The following SEPTIN9 variants were observed in gnomAD, a reference collection of about 807,000 sequenced individuals.
SEPTIN9 encodes the protein septin-9.
In SEPTIN9, 13 loss-of-function variants were observed where a neutral mutation model predicts 56.6. The ratio of observed to expected loss-of-function variants is 0.23; its 90% CI spans 0.15 to 0.37. The LOEUF is 0.37. Ranked by LOEUF, SEPTIN9 falls within the 10% of genes least tolerant of loss-of-function variation. The pLI, the probability that SEPTIN9 is intolerant of heterozygous loss-of-function variation, is 1.00. For synonymous variants in SEPTIN9, 332 were observed against 334.1 expected (o/e 0.99, Z 0.07); for missense variants, 650 against 823.1 (o/e 0.79, Z 2.57).
intron 2 of SEPTIN9, among the ~76,000 whole-genome samples, chr17:77,353,971 A>C (rs536050748): frequency 6.6e-6 from 1 of 152,274 alleles, no homozygotes; most frequent in Admixed American, 6.5e-5. Context: ...AGATCCCTCT[A>C]GGCTGAAAGA....
rs1296302762 is a variant in SEPTIN9 at position 77,329,870 on chromosome 17, T to C, written c.76+22673T>C. ...CAGCACCAGCCAAGGCTTCGGGGTT[T>C]GGACACCATCCCTGGGAGGGGTGAG... On this transcript the variant is annotated intron_variant, in intron 2 of 11. Coordinates refer to ENST00000427177, the MANE Select transcript of SEPTIN9 (RefSeq NM_001113491.2). This position sits in a 1 kb window ranked among gnomAD's most constrained non-coding sequence, Gnocchi z 4.3. 6.6e-6 allele frequency among the ~76,000 whole-genome samples: 1 copy of C among 152,200 alleles called. No homozygotes were observed. Among genetic ancestry groups the C allele is most frequent in the African/African-American group, 2.4e-5 (1 of 41,448 alleles).
chr17:77,428,960 C>T (rs1598359147), intron 3 of SEPTIN9: 2 of 457,160 alleles, frequency 4.4e-6, no homozygotes, highest in South Asian at 1.6e-5. Flanking sequence ...TGTCACAGCC[C>T]TGGTTATACA....
Position 77,492,569 on chromosome 17 carries a change from T to A in SEPTIN9, c.1381-52T>A, listed in dbSNP as rs2040074633. On this transcript the variant is annotated intron_variant, in intron 8 of 11. Transcript: ENST00000427177. The surrounding 1 kb of genome is among the most constrained non-coding windows in gnomAD (Gnocchi z 5.4). ...AGGTCATGTGGCAAACACCAGTGGG[T>A]GGGTAGAGCTTGCCACAGGGATGGG... 6.6e-7 allele frequency: 1 copy of A among 1,520,084 alleles called. No individual in the cohort carries two copies. 94.2% of individuals were successfully genotyped at this position (1,520,084 alleles called of 1,614,324 possible).
chr17:77,288,266 G>A (rs998061365), intron 1 of SEPTIN9: 3 of 988,850 alleles, frequency 3.0e-6, no homozygotes, highest in Non-Finnish European at 3.7e-6. Context: ...GACCTGTGAC[G>A]AGGCCTGCGC....
chr17:77,454,420 C>T (rs1433570293), intron 3 of SEPTIN9: 3 of 976,728 alleles, frequency 3.1e-6, no homozygotes, highest in African/African-American at 3.5e-5. Flanking sequence ...CAGGAGGGCT[C>T]CCGAGGGTGG....
intron 3 of SEPTIN9, chr17:77,466,398 CGGGCTGGAAGGG>C: frequency 1.0e-6 from 1 of 985,448 alleles, no homozygotes; most frequent in Non-Finnish European, 1.2e-6. Context: ...TCCCGGAGTT[CGGGCTGGAAGGG>C]CCTGGGAGGG....
Position 77,367,807 on chromosome 17 carries a change from C to T in SEPTIN9, c.77-34252C>T, listed in dbSNP as rs1354669138. The stretch of plus-strand genomic sequence containing the variant: ...CTACAGCCCGGGCGACAGAGTGAGA[C>T]TGTCTAAAATAATAATAATGCTAAT... On this transcript the variant is annotated intron_variant, in intron 2 of 11. Transcript: ENST00000427177. This position sits in a 1 kb window ranked among gnomAD's most constrained non-coding sequence, Gnocchi z 4.5. 6.6e-6 allele frequency among the ~76,000 whole-genome samples: 1 copy of T among 151,960 alleles called. No individual in the cohort carries two copies. Among genetic ancestry groups the T allele is most frequent in the East Asian group, 1.9e-4 (1 of 5,192 alleles).
chr17:77,337,200 G>C (rs2033584091), intron 2 of SEPTIN9, among the ~76,000 whole-genome samples: 1 of 151,660 alleles, frequency 6.6e-6, no homozygotes, highest in African/African-American at 2.4e-5. Context: ...GTACAGATGG[G>C]GTCTCATTGT....
At chr17:77,474,042 A>G (rs1282998755) in intron 3 of SEPTIN9, among the ~76,000 whole-genome samples, 1 of 152,046 alleles carries the variant, frequency 6.6e-6, no homozygotes, top group Non-Finnish European at 1.5e-5. Context: ...TGAACTGTTA[A>G]TAGTTAACAA....
intron 2 of SEPTIN9, among the ~76,000 whole-genome samples, chr17:77,361,370 C>T (rs2034412169): frequency 6.6e-6 from 1 of 152,182 alleles, no homozygotes; most frequent in Non-Finnish European, 1.5e-5. Flanking sequence ...CTCCCTGCTG[C>T]TCAGAACTAA....
Position 77,488,800 on chromosome 17 carries a change from A to G in SEPTIN9, c.1198A>G (p.Lys400Glu), listed in dbSNP as rs2039907722. 6.2e-7 allele frequency: 1 copy of G among 1,613,734 alleles called. No individual in the cohort carries two copies. Among genetic ancestry groups the G allele is most frequent in the African/African-American group, 1.3e-5 (1 of 74,910 alleles). Residue 400 changes from lysine (K) to glutamate (E), a missense_variant, in exon 7 of 12, where the codon AAG (lysine) becomes GAG (glutamate). By Grantham distance (56) the Lys-to-Glu change is moderately conservative. Transcript: ENST00000427177. ...YLQEEVNINR[K>E]KRIPDTRVHC... is the part of the protein sequence containing the mutation. ...GCAGGAGGAGGTCAACATCAACCGCAAGAAGCGCATCCCGGACACCCGCGT... is the reference window on the plus strand; with the variant it reads ...GCAGGAGGAGGTCAACATCAACCGCGAGAAGCGCATCCCGGACACCCGCGT...
intron 2 of SEPTIN9, among the ~76,000 whole-genome samples, chr17:77,336,997 C>T (rs972820075): frequency 1.6e-5 from 2 of 123,228 alleles, no homozygotes; most frequent in South Asian, 3.1e-4. Flanking sequence ...TTTTGCCCCC[C>T]GTTTTTTTTT....
rs1158937637 is a variant in SEPTIN9 at position 77,471,220 on chromosome 17, G to T, written c.722-10924G>T. Among the ~76,000 whole-genome samples, 3 of 152,158 alleles carry T rather than the reference G, an allele frequency of 2.0e-5. No individual in the cohort carries two copies. In the East Asian group the frequency reaches 5.8e-4, roughly 29 times the overall value. ...CGATGTCTTTCTCCCTCCTGAAGGG[G>T]TCATTTAGTCAGGCTCCTACTCATG... is the stretch of plus-strand genomic sequence containing the variant. On this transcript the variant is annotated intron_variant, in intron 3 of 11. Transcript: ENST00000427177.
At chr17:77,391,148 C>T (rs555112701) in intron 2 of SEPTIN9, among the ~76,000 whole-genome samples, 14 of 152,274 alleles carry the variant, frequency 9.2e-5, no homozygotes, top group African/African-American at 3.4e-4. Flanking sequence ...TCCAGGACAC[C>T]CATATCTCCT....
chr17:77,351,881 T>C (rs453083), intron 2 of SEPTIN9, among the ~76,000 whole-genome samples: 36,495 of 152,232 alleles, frequency 0.24, 4,769 homozygotes, highest in East Asian at 0.61. Context: ...GGCCCCGACA[T>C]GGCAGGTGCT....
At chr17:77,466,385 C>T (rs2038730391) in intron 3 of SEPTIN9, 3 of 985,454 alleles carry the variant, frequency 3.0e-6, no homozygotes, top group Non-Finnish European at 3.6e-6. Context: ...GAATGTAGCT[C>T]CTTCCCGGAG....
rs115819237 is a variant in SEPTIN9 at position 77,378,143 on chromosome 17, A to G, written c.77-23916A>G. Among the ~76,000 whole-genome samples, 1,065 of 152,266 alleles carry G rather than the reference A, an allele frequency of 7.0e-3. 16 individuals carry two copies. Among genetic ancestry groups the G allele is most frequent in the African/African-American group, 0.024 (1,013 of 41,546 alleles). On this transcript the variant is annotated intron_variant, in intron 2 of 11. Transcript: ENST00000427177. ...TGTCCGGGAAGAGGCAGGTGGAGGT[A>G]AACGCCAGGACACCCCTGCAGTGAC...
rs1226989644 is a variant in SEPTIN9 at position 77,497,379 on chromosome 17, G to A, written c.1625+13G>A. 6.2e-7 allele frequency: 1 copy of A among 1,613,174 alleles called. No homozygotes were observed. The highest frequency in any genetic ancestry group is 1.1e-5 in the South Asian group (1 of 90,892). On this transcript the variant is annotated intron_variant, in intron 11 of 11. Transcript: ENST00000427177. ...ACCTTCTCATCAGGTGAGAGACAGG[G>A]TGCTTGGGTGGGGCTGACGGCTTCA...
intron 2 of SEPTIN9, among the ~76,000 whole-genome samples, chr17:77,348,781 G>A (rs1402956241): frequency 1.3e-5 from 2 of 152,172 alleles, no homozygotes; most frequent in Non-Finnish European, 2.9e-5. Flanking sequence ...TCCTGTATGT[G>A]ATGGTTGTTA....
Sources: allele counts gnomAD v4.1 joint callset (sites outside exome capture counted in the v4.1 genomes callset), GRCh38; gene constraint gnomAD v4.1.1; non-coding constraint Gnocchi (gnomAD v3.1); transcripts MANE v1.5; gene names NCBI Gene and HGNC (gene_info 2026-07-23, HGNC 2026-07-21).